Variants in TNK1 observed in about 807,000 individuals in gnomAD.
The protein encoded by TNK1 is non-receptor tyrosine-protein kinase TNK1.
Under a neutral mutation model 65.2 loss-of-function variants are expected in TNK1, and 53 were observed. The observed-to-expected ratio is 0.81, with a 90% CI of 0.65 to 1.02. The LOEUF (loss-of-function observed/expected upper bound fraction) is 1.02, where lower values mean the gene tolerates loss of function less well. TNK1 is among the 50% of genes least tolerant of loss of function. The pLI is 0.00. For missense variants in TNK1, 837 were observed against 878.4 expected, an observed-to-expected ratio of 0.95 and a Z score of 0.60; for synonymous variants, 353 against 364.6, an observed-to-expected ratio of 0.97 and a Z score of 0.36.
At chr17:7,380,386 C>T (rs1167316813), upstream of TNK1, 1 of 152,252 alleles carries the variant, frequency 6.6e-6, no homozygotes, top group Non-Finnish European at 1.5e-5. Context: ...TGGACTTAGT[C>T]CCAGTGGCCA....
At chr17:7,381,819 G>A (rs1485987038) in intron 1 of TNK1, among the ~76,000 whole-genome samples, 1 of 152,212 alleles carries the variant, frequency 6.6e-6, no homozygotes, top group African/African-American at 2.4e-5. Context: ...GGACCTTTGT[G>A]TCTTAGCCGT....
chr17:7,386,826 C>T, intron 8 of TNK1, 164 bp from the exon 9 acceptor site: 1 of 1,130,672 alleles, frequency 8.8e-7, no homozygotes. Context: ...CCTGCTGGAG[C>T]CACTGCTGGC....
chr17:7,383,076 C>T lies in TNK1; in HGVS notation c.150C>T (p.Gly50=). 1 of 1,614,004 alleles carries T rather than the reference C, an allele frequency of 6.2e-7. No homozygotes were observed. Among genetic ancestry groups the T allele is most frequent in the East Asian group, 2.2e-5 (1 of 44,882 alleles). Residue 50 remains glycine, a synonymous_variant, in exon 2 of 13, where the codon GGC becomes GGT. Transcript: ENST00000688331. The stretch of plus-strand genomic sequence containing the variant: ...AGCCTGAGGACCTGGACGGCATTGG[C>T]ATGGGCCGGCCTGGTGAGGGACCCC... ...FVKPEDLDGI[G]MGRPAQRRLS...
In TNK1 at chr17:7,382,777, T is replaced by A; in HGVS notation, c.-91-59T>A. ...GATTTGTGTGCGTGAGTGGCAGGGA[T>A]CCTGGCTGTCTCTGCTGTGTCCCTG... On this transcript the variant is annotated intron_variant, in intron 1 of 12. Coordinates refer to ENST00000688331, the MANE Select transcript of TNK1 (RefSeq NM_003985.6). This position sits in a 1 kb window ranked among gnomAD's most constrained non-coding sequence, Gnocchi z 4.1. 1 of 797,212 alleles carries A rather than the reference T, an allele frequency of 1.3e-6. No individual in the cohort carries two copies. Among genetic ancestry groups the A allele is most frequent in the Non-Finnish European group, 1.9e-6 (1 of 513,752 alleles). 49.4% of individuals were successfully genotyped at this position (797,212 alleles called of 1,614,324 possible). A position where few individuals can be genotyped will look rare whatever the true frequency, so the allele number is the denominator to read the frequency against.
chr17:7,382,971 G>C lies in TNK1; in HGVS notation c.45G>C (p.Arg15=). 6.2e-7 allele frequency: 1 copy of C among 1,614,014 alleles called. No individual in the cohort carries two copies. The highest frequency in any genetic ancestry group is 8.5e-7 in the Non-Finnish European group (1 of 1,179,894). The change falls in exon 2 of 13, where the codon CGG becomes CGC. Residue 15 remains arginine (R), a synonymous_variant. Transcript: ENST00000688331. The surrounding 1 kb of genome is among the most constrained non-coding windows in gnomAD (Gnocchi z 4.1). ...CCCTGTGGCTACTGAAGCTGCTCCGGGACATCCAGTTGGCCCAGTTTTACT... is the reference window on the plus strand; with the variant it reads ...CCCTGTGGCTACTGAAGCTGCTCCGCGACATCCAGTTGGCCCAGTTTTACT... ...AGSLWLLKLL[R]DIQLAQFYWP... is the part of the protein sequence containing the mutation.
intron 4 of TNK1, 42 bp downstream of exon 4, chr17:7,383,658 C>T (rs770527014): frequency 7.5e-6 from 12 of 1,599,442 alleles, no homozygotes; most frequent in South Asian, 5.6e-5. Flanking sequence ...CCAGCTGCCC[C>T]CTCTGTTCTT....
At position 7,388,070 on chromosome 17, in the gene TNK1, G is replaced by A. The variant is rs1836852182; in HGVS notation, c.1478-336G>A. On this transcript the variant is annotated intron_variant, in intron 10 of 12. Coordinates refer to ENST00000688331, the MANE Select transcript of TNK1 (RefSeq NM_003985.6). The surrounding 1 kb of genome is among the most constrained non-coding windows in gnomAD (Gnocchi z 4.5). ...CCCACCTGACACATGAACCACCCAGGGACAGGGCTGGCTAGCTCATCTGCA... is the reference window on the plus strand; with the variant it reads ...CCCACCTGACACATGAACCACCCAGAGACAGGGCTGGCTAGCTCATCTGCA... Among the ~76,000 whole-genome samples, 1 of 152,104 alleles carries A rather than the reference G, an allele frequency of 6.6e-6. No homozygotes were observed. The highest frequency in any genetic ancestry group is 2.4e-5 in the African/African-American group (1 of 41,410).
At chr17:7,383,939 G>A (rs1352996766) in intron 5 of TNK1, 31 bp from the exon 6 acceptor site, 5 of 1,530,390 alleles carry the variant, frequency 3.3e-6, no homozygotes, top group African/African-American at 2.7e-5. Context: ...CAATGGGTCC[G>A]GCTCACGCGG....
In TNK1 at chr17:7,384,215, C is replaced by G; in HGVS notation, c.828C>G (p.Arg276=). 1.3e-6 allele frequency: 2 copies of G among 1,517,330 alleles called. No individual in the cohort carries two copies. Among genetic ancestry groups the G allele is most frequent in the Non-Finnish European group, 1.8e-6 (2 of 1,140,540 alleles). The allele number at this position is 1,517,330 out of a possible 1,614,324, so 94.0% of individuals were successfully genotyped here. The change falls in exon 6 of 13, where the codon CGC becomes CGG. Residue 276 remains arginine (R), a synonymous_variant. Transcript: ENST00000688331. ...GGCCTCTGGGCGGTGCCCGGGGCCGCTACGTCATGGGCGGGCCCCGCCCTA... is the reference window on the plus strand; with the variant it reads ...GGCCTCTGGGCGGTGCCCGGGGCCGGTACGTCATGGGCGGGCCCCGCCCTA... The part of the protein sequence containing the change: ...LVRPLGGARG[R]YVMGGPRPIP...
In TNK1 at chr17:7,387,137, C is replaced by G; in HGVS notation, c.1380C>G (p.His460Gln). Residue 460 changes from histidine to glutamine, a missense_variant, in exon 9 of 13, where the codon CAC (histidine) becomes CAG (glutamine). Coordinates refer to ENST00000688331, the MANE Select transcript of TNK1 (RefSeq NM_003985.6). Reference sequence around the variant, plus strand: ...GCACCCCTGCCCGGGGAGATCAACACCCAGGAAGCATAGATGGGTGAGGAC... The same window carrying G: ...GCACCCCTGCCCGGGGAGATCAACAGCCAGGAAGCATAGATGGGTGAGGAC... The part of the protein sequence containing the change: ...HRGTPARGDQ[H>Q]PGSIDGDRKK... 6.3e-7 allele frequency: 1 copy of G among 1,592,862 alleles called. No homozygotes were observed. The highest frequency in any genetic ancestry group is 1.1e-5 in the South Asian group (1 of 88,692).
chr17:7,386,588 AG>A lies in TNK1; in HGVS notation c.1168del (p.Asp390MetfsTer8). Reference sequence around the variant, plus strand: ...CGGGCCTTCGGAAGCATGTTGTGTGAGGGATGTCACAGAACCAGGCGCCCTG... The same window carrying A: ...CGGGCCTTCGGAAGCATGTTGTGTGAGGATGTCACAGAACCAGGCGCCCTG... Reference protein sequence around the residue: ...EAGPSEACCVRDVTEPGALRM... With the variant: ...EAGPSEACCVXDVTEPGALRM... On this transcript the variant is annotated frameshift_variant, in exon 8 of 13. Coordinates refer to ENST00000688331, the MANE Select transcript of TNK1 (RefSeq NM_003985.6). LOFTEE classifies it high-confidence loss of function. 1 of 1,605,342 alleles carries A rather than the reference AG, an allele frequency of 6.2e-7. No homozygotes were observed. Among genetic ancestry groups the A allele is most frequent in the Non-Finnish European group, 8.5e-7 (1 of 1,175,992 alleles).
chr17:7,380,469 G>A (rs1452823798), upstream of TNK1: 2 of 152,508 alleles, frequency 1.3e-5, no homozygotes, highest in South Asian at 2.1e-4. Flanking sequence ...ACGCTGGAAG[G>A]AAGCCCAGGA....
rs1427462413 is a variant in TNK1, at chr17:7,388,869, A to C, written c.1858A>C (p.Ile620Leu). 1.3e-6 allele frequency: 2 copies of C among 1,598,818 alleles called. No homozygotes were observed. Among genetic ancestry groups the C allele is most frequent in the Non-Finnish European group, 1.7e-6 (2 of 1,172,818 alleles). The stretch of plus-strand genomic sequence containing the variant: ...CACTGGGGGAGATGTGGTTTCTGCC[A>C]TCCGGAACCTCAAGGTAAAGCCAGC... The part of the protein sequence containing the change: ...GATGGDVVSA[I>L]RNLKVDQLFH... The change falls in exon 12 of 13, where the codon ATC becomes CTC. Residue 620 changes from isoleucine (I) to leucine (L), a missense_variant. Ile to Leu is a conservative substitution (Grantham distance 5). Transcript: ENST00000688331. The surrounding 1 kb of genome is among the most constrained non-coding windows in gnomAD (Gnocchi z 4.5).
chr17:7,385,831 T>C (rs1340239277), intron 7 of TNK1, among the ~76,000 whole-genome samples: 1 of 152,166 alleles, frequency 6.6e-6, no homozygotes, highest in Non-Finnish European at 1.5e-5. Flanking sequence ...TCCCAAAGTG[T>C]TGGGATTACA....
At chr17:7,385,291 G>A (rs1905117305) in intron 7 of TNK1, among the ~76,000 whole-genome samples, 1 of 149,642 alleles carries the variant, frequency 6.7e-6, no homozygotes, top group East Asian at 2.0e-4. Flanking sequence ...CTTGAACCTG[G>A]GAGGCAGAGG....
intron 7 of TNK1, among the ~76,000 whole-genome samples, chr17:7,385,050 G>A (rs1905103045): frequency 6.6e-6 from 1 of 152,186 alleles, no homozygotes; most frequent in South Asian, 2.1e-4. Flanking sequence ...AGGGCTCAGC[G>A]TGGGAGGGGA....
At chr17:7,386,214 A>T (rs1219243093) in intron 7 of TNK1, among the ~76,000 whole-genome samples, 3 of 152,136 alleles carry the variant, frequency 2.0e-5, no homozygotes, top group Admixed American at 2.0e-4. Context: ...GGTCTGGATG[A>T]GGGTAGAGGC....
Position 7,389,108 on chromosome 17 carries a change from A to T in TNK1, c.*24A>T, listed in dbSNP as rs1905415588. 1.3e-6 allele frequency: 2 copies of T among 1,537,884 alleles called. No individual in the cohort carries two copies. Among genetic ancestry groups the T allele is most frequent in the African/African-American group, 2.7e-5 (2 of 72,878 alleles). ...GAGCTCAGCTTCTGCGGGCACAGACACCAGCATGAAAAGCCTAGGCCCCTG... is the reference window on the plus strand; with the variant it reads ...GAGCTCAGCTTCTGCGGGCACAGACTCCAGCATGAAAAGCCTAGGCCCCTG... On this transcript the variant is annotated 3_prime_UTR_variant, in exon 13 of 13. Coordinates refer to ENST00000688331, the MANE Select transcript of TNK1 (RefSeq NM_003985.6).
At chr17:7,386,368 T>C (rs776442851) in intron 7 of TNK1, among the ~76,000 whole-genome samples, 193 bp from the exon 8 acceptor site, 2 of 152,136 alleles carry the variant, frequency 1.3e-5, no homozygotes, top group African/African-American at 2.4e-5. Flanking sequence ...CTCTTGCTCC[T>C]TGAGCCCTGA....
Sources: allele counts gnomAD v4.1 joint callset (sites outside exome capture counted in the v4.1 genomes callset), GRCh38; gene constraint gnomAD v4.1.1; non-coding constraint Gnocchi (gnomAD v3.1); transcripts MANE v1.5; gene names NCBI Gene and HGNC (gene_info 2026-07-23, HGNC 2026-07-21).